DLGAP1: variants seen among roughly 807,000 people sequenced by gnomAD.
DLGAP1 encodes the protein disks large-associated protein 1.
DLGAP1 carries 11 observed loss-of-function variants against 90.8 expected under a neutral mutation model. The observed-to-expected ratio is 0.12, with a 90% CI of 0.08 to 0.20. The LOEUF is 0.20. DLGAP1 is among the 10% of genes least tolerant of loss of function. The pLI, the probability that DLGAP1 is intolerant of heterozygous loss-of-function variation, is 1.00. For missense variants in DLGAP1, 1,050 were observed against 1,333.8 expected (o/e 0.79, Z 3.31); for synonymous variants, 558 against 540.7 (o/e 1.03, Z -0.44).
chr18:3,963,273 C>G (rs1359716200), intron 3 of DLGAP1, among the ~76,000 whole-genome samples: 2 of 13,460 alleles, frequency 1.5e-4, no homozygotes, highest in Non-Finnish European at 5.1e-4. Flanking sequence ...CATTTCATTG[C>G]CCCCCTCACC....
At position 3,565,169 on chromosome 18, in the gene DLGAP1, A is replaced by C. The variant is rs573342195; in HGVS notation, c.2057+2321T>G. 3.3e-5 allele frequency among the ~76,000 whole-genome samples: 5 copies of C among 152,222 alleles called. No homozygotes were observed. The South Asian group carries it at 1.0e-3, about 32-fold the overall frequency. On this transcript the variant is annotated intron_variant, in intron 9 of 12. Transcript: ENST00000315677. The surrounding 1 kb of genome is among the most constrained non-coding windows in gnomAD (Gnocchi z 4.0). ...GGAATATATTTTCTTTTTCTTTTTA[A>C]GACAGAGTCTGCTCTGCCACCCAGG...
intron 7 of DLGAP1, among the ~76,000 whole-genome samples, chr18:3,657,028 G>A (rs775273425): frequency 3.7e-4 from 57 of 152,334 alleles, no homozygotes; most frequent in South Asian, 2.1e-3. Flanking sequence ...TTACAGGCGT[G>A]AGCCACCACA....
chr18:4,082,606 G>T (rs2075627857), intron 2 of DLGAP1, among the ~76,000 whole-genome samples: 1 of 150,444 alleles, frequency 6.6e-6, no homozygotes, highest in African/African-American at 2.5e-5. Context: ...CACCATGCAT[G>T]CTAGTAAATT....
intron 2 of DLGAP1, among the ~76,000 whole-genome samples, chr18:4,006,259 T>G (rs528716741): frequency 1.1e-4 from 17 of 152,306 alleles, no homozygotes; most frequent in Non-Finnish European, 2.2e-4. Context: ...CCTGTTTGTC[T>G]TCTAGGGCCA....
Position 4,094,837 on chromosome 18 carries a change from A to G in DLGAP1, c.-159+56343T>C, listed in dbSNP as rs547706721. ...GGTCTTGAACTCCTGACCTCAGGTG[A>G]TCCACCCACCTTGGCCTCCCAAAGT... On this transcript the variant is annotated intron_variant, in intron 2 of 12. Transcript: ENST00000315677. Among the ~76,000 whole-genome samples, 3 of 152,170 alleles carry G rather than the reference A, an allele frequency of 2.0e-5. No individual in the cohort carries two copies. In the South Asian group the frequency reaches 6.2e-4, roughly 32 times the overall value.
At chr18:4,074,209 T>A in intron 2 of DLGAP1, among the ~76,000 whole-genome samples, 1 of 152,106 alleles carries the variant, frequency 6.6e-6, no homozygotes. Flanking sequence ...CTACCTAAAC[T>A]TGGGTAAGTA....
At chr18:3,896,509 G>A (rs577250985) in intron 3 of DLGAP1, 1 of 152,340 alleles carries the variant, frequency 6.6e-6, no homozygotes, top group African/African-American at 2.4e-5. Context: ...TGTTTAAGAA[G>A]CTAACCAGCA....
intron 2 of DLGAP1, among the ~76,000 whole-genome samples, chr18:4,096,598 C>T (rs2075683949): frequency 6.6e-6 from 1 of 151,990 alleles, no homozygotes; most frequent in East Asian, 1.9e-4. Flanking sequence ...AGTCAACTGA[C>T]CTATATTTCC....
chr18:4,164,216 A>T (rs1252276826), intron 1 of DLGAP1, among the ~76,000 whole-genome samples: 1 of 152,284 alleles, frequency 6.6e-6, no homozygotes, highest in East Asian at 1.9e-4. Flanking sequence ...TTTAACGGAT[A>T]AAAGGCCCAA....
At chr18:4,308,009 C>T (rs1244611982) in intron 1 of DLGAP1, among the ~76,000 whole-genome samples, 1 of 152,172 alleles carries the variant, frequency 6.6e-6, no homozygotes, top group South Asian at 2.1e-4. Flanking sequence ...GCCACCGTGC[C>T]CGGCCGAGGG....
intron 3 of DLGAP1, among the ~76,000 whole-genome samples, chr18:3,930,230 T>C (rs1325759331): frequency 1.3e-5 from 2 of 152,238 alleles, no homozygotes; most frequent in Non-Finnish European, 2.9e-5. Flanking sequence ...TTTTCCTATT[T>C]TTCTATTGAC....
chr18:4,257,973 A>ACATATG (rs1555773191), intron 1 of DLGAP1, among the ~76,000 whole-genome samples: 5 of 141,358 alleles, frequency 3.5e-5, no homozygotes, highest in Admixed American at 3.5e-4. Context: ...AGTTATACAT[A>ACATATG]TGTGTGTGTG....
At chr18:4,379,310 T>C (rs758024757) in intron 1 of DLGAP1, among the ~76,000 whole-genome samples, 23 of 152,132 alleles carry the variant, frequency 1.5e-4, no homozygotes, top group Non-Finnish European at 3.2e-4. Context: ...TTTTTAGCTC[T>C]ACTCCCAAGA....
intron 5 of DLGAP1, 112 bp downstream of exon 5, chr18:3,813,947 G>C (rs1427272213): frequency 1.9e-6 from 2 of 1,032,468 alleles, no homozygotes; most frequent in Non-Finnish European, 3.0e-6. Context: ...GTACTGCACT[G>C]CTCCACCTGT....
intron 5 of DLGAP1, among the ~76,000 whole-genome samples, chr18:3,791,774 T>A (rs1314339722): frequency 6.6e-6 from 1 of 152,170 alleles, no homozygotes; most frequent in Non-Finnish European, 1.5e-5. Context: ...AAGCTGGGTG[T>A]GGTGGTACAC....
chr18:4,303,272 A>AT (rs111756809), intron 1 of DLGAP1, among the ~76,000 whole-genome samples: 9,823 of 150,354 alleles, frequency 0.065, 890 homozygotes, highest in African/African-American at 0.2. Context: ...GTATTATTCT[A>AT]TTTTTTTTTT....
chr18:3,637,833 T>C (rs1003550397), intron 7 of DLGAP1, among the ~76,000 whole-genome samples: 1 of 151,942 alleles, frequency 6.6e-6, no homozygotes, highest in Non-Finnish European at 1.5e-5. Flanking sequence ...ATTCCAAATA[T>C]ATTAGAAAGA....
At chr18:3,982,925 A>G (rs1294385384) in intron 3 of DLGAP1, among the ~76,000 whole-genome samples, 1 of 152,150 alleles carries the variant, frequency 6.6e-6, no homozygotes, top group Non-Finnish European at 1.5e-5. Flanking sequence ...TTCTATAATT[A>G]CTAAAACCTT....
At chr18:3,717,829 G>A (rs1174346394) in intron 7 of DLGAP1, among the ~76,000 whole-genome samples, 1 of 152,180 alleles carries the variant, frequency 6.6e-6, no homozygotes. Flanking sequence ...CCACTGCAAA[G>A]CTACAAAGTG....
Sources: gnomAD v4.1 joint callset for allele counts (sites outside exome capture counted in the v4.1 genomes callset) on GRCh38, gnomAD v4.1.1 for gene constraint, Gnocchi (gnomAD v3.1) non-coding constraint, MANE v1.5 for transcripts, NCBI Gene and HGNC (gene_info 2026-07-23, HGNC 2026-07-21) for gene names.